Variants in CFAP47 observed in about 807,000 individuals in gnomAD.
CFAP47 encodes the protein cilia- and flagella-associated protein 47.
In CFAP47, 29 loss-of-function variants were observed where a neutral mutation model predicts 148.1. The ratio of observed to expected loss-of-function variants is 0.20; its 90% CI spans 0.15 to 0.27. The LOEUF is 0.27. Ranked by LOEUF, CFAP47 falls within the 10% of genes least tolerant of loss-of-function variation. The pLI, the probability that CFAP47 is intolerant of heterozygous loss-of-function variation, is 1.00. For missense variants in CFAP47, 1,872 were observed against 1,697.5 expected (o/e 1.10, Z -1.81); for synonymous variants, 664 against 577.3 (o/e 1.15, Z -2.15).
intron 46 of CFAP47, among the ~76,000 whole-genome samples, chrX:36,235,462 G>A (rs1288719653): frequency 8.9e-6 from 1 of 112,391 alleles, no homozygotes; most frequent in Non-Finnish European, 1.9e-5. Flanking sequence ...ATTTTTTTAA[G>A]CCTGTGGAAA....
intron 45 of CFAP47, chrX:36,211,420 T>G: frequency 4.2e-6 from 1 of 236,651 alleles, no homozygotes; most frequent in African/African-American, 2.9e-5. Flanking sequence ...TCGGCCTTTT[T>G]TCTGTTCTGT....
At chrX:36,220,284 T>G (rs1453383934) in intron 45 of CFAP47, among the ~76,000 whole-genome samples, 2 of 111,354 alleles carry the variant, frequency 1.8e-5, no homozygotes, top group Admixed American at 9.6e-5. Context: ...CCCTAAGTTA[T>G]CTCATTATGC....
intron 57 of CFAP47, among the ~76,000 whole-genome samples, chrX:36,345,185 C>T (rs1941686838): frequency 1.8e-5 from 2 of 110,928 alleles, no homozygotes; most frequent in East Asian, 2.8e-4. Flanking sequence ...TTATCTATTT[C>T]GTACAACAAT....
chrX:36,161,035 A>G (rs1287562762), intron 39 of CFAP47, among the ~76,000 whole-genome samples: 2 of 109,162 alleles, frequency 1.8e-5, no homozygotes, highest in Non-Finnish European at 3.8e-5. Flanking sequence ...TTTAGTAGAG[A>G]TGGGGTTTCA....
chrX:36,109,215 T>C (rs1938513764), intron 33 of CFAP47, among the ~76,000 whole-genome samples: 1 of 112,048 alleles, frequency 8.9e-6, no homozygotes, highest in South Asian at 3.7e-4. Flanking sequence ...TGTAGGTTGA[T>C]TGCATGTCAT....
Position 36,035,722 on chromosome X carries a change from C to T in CFAP47, c.3679C>T (p.His1227Tyr). 1 of 295,813 alleles carries T rather than the reference C, an allele frequency of 3.4e-6. No homozygotes were observed. The highest frequency in any genetic ancestry group is 6.1e-5 in the Admixed American group (1 of 16,313). 24.4% of individuals were successfully genotyped at this position (295,813 alleles called of 1,213,427 possible). A position where few individuals can be genotyped will look rare whatever the true frequency, so the allele number is the denominator to read the frequency against. Residue 1227 changes from histidine to tyrosine, a missense_variant, in exon 24 of 64, where the codon CAC becomes TAC. Transcript: ENST00000378653. Reference sequence around the variant, plus strand: ...TCTTGTTTTATATAATATTACCAAACACCATGTGACATGGACTTTGGATCT... The same window carrying T: ...TCTTGTTTTATATAATATTACCAAATACCATGTGACATGGACTTTGGATCT... Reference protein sequence around the residue: ...QNLVLYNITKHHVTWTLDLSN... With the variant: ...QNLVLYNITKYHVTWTLDLSN...
intron 57 of CFAP47, among the ~76,000 whole-genome samples, chrX:36,346,389 G>A (rs1941697617): frequency 9.0e-6 from 1 of 111,278 alleles, no homozygotes; most frequent in African/African-American, 3.3e-5. Flanking sequence ...GGTGACTCAT[G>A]CATAGTAAAT....
intron 46 of CFAP47, among the ~76,000 whole-genome samples, chrX:36,229,258 T>G (rs1277239251): frequency 8.9e-6 from 1 of 111,917 alleles, no homozygotes; most frequent in East Asian, 2.8e-4. Context: ...TGTAAAGAAC[T>G]TTGGCTTTTT....
chrX:36,142,530 A>G (rs1311013242), intron 35 of CFAP47, among the ~76,000 whole-genome samples: 3 of 111,612 alleles, frequency 2.7e-5, no homozygotes, highest in African/African-American at 9.8e-5. Context: ...TTAGTTTTAA[A>G]TAAACCTAAC....
intron 6 of CFAP47, among the ~76,000 whole-genome samples, chrX:35,953,061 T>C (rs1936190921): frequency 8.9e-6 from 1 of 112,309 alleles, no homozygotes; most frequent in African/African-American, 3.2e-5. Context: ...TACTCCTATT[T>C]CCCTTCTTCC....
chrX:35,969,572 A>G (rs912344138), intron 10 of CFAP47, among the ~76,000 whole-genome samples: 10 of 111,999 alleles, frequency 8.9e-5, no homozygotes, highest in Non-Finnish European at 1.5e-4. Context: ...AAGGATTTAG[A>G]TATGTTAATA....
At chrX:36,367,957 G>A in intron 62 of CFAP47, 1 of 111,705 alleles carries the variant, frequency 9.0e-6, no homozygotes, top group South Asian at 3.7e-4. Context: ...ATTTCTCGAG[G>A]GCTGAAATGG....
At position 36,004,800 on chromosome X, in the gene CFAP47, G is replaced by A. The variant is rs73468944; in HGVS notation, c.3417+3093G>A. Among the ~76,000 whole-genome samples the A allele has an allele frequency of 3.6e-3, 402 of 110,384 alleles. 1 individual carries two copies. Among genetic ancestry groups the A allele is most frequent in the African/African-American group, 0.012 (374 of 30,418 alleles). On this transcript the variant is annotated intron_variant, in intron 21 of 63. Transcript: ENST00000378653. ...TGGAAACATTCTAAAACTTAATTACGGTGATGATTGCACAATTCTGTAAAT... is the reference window on the plus strand; with the variant it reads ...TGGAAACATTCTAAAACTTAATTACAGTGATGATTGCACAATTCTGTAAAT...
At chrX:36,122,824 G>A (rs1188594923) in intron 33 of CFAP47, among the ~76,000 whole-genome samples, 1 of 111,166 alleles carries the variant, frequency 9.0e-6, no homozygotes, top group Non-Finnish European at 1.9e-5. Context: ...AGTTCATTTG[G>A]TGAAGTCATG....
chrX:36,183,244 G>A (rs2146869973), intron 40 of CFAP47, among the ~76,000 whole-genome samples: 1 of 110,739 alleles, frequency 9.0e-6, no homozygotes. Context: ...ATTTATGCCT[G>A]GGTGGCAGAG....
chrX:36,020,457 A>G (rs1937144961), intron 22 of CFAP47, among the ~76,000 whole-genome samples: 1 of 111,902 alleles, frequency 8.9e-6, no homozygotes, highest in East Asian at 2.8e-4. Flanking sequence ...CTATTATTGC[A>G]TTCAGATCTA....
intron 22 of CFAP47, among the ~76,000 whole-genome samples, chrX:36,030,738 A>T (rs1038078247): frequency 9.9e-5 from 11 of 110,861 alleles, no homozygotes; most frequent in African/African-American, 3.3e-4. Flanking sequence ...CCAGTAGATT[A>T]TAATATCTTC....
chrX:36,036,024 T>A (rs1181000237), intron 24 of CFAP47, among the ~76,000 whole-genome samples, 170 bp downstream of exon 24: 2 of 111,896 alleles, frequency 1.8e-5, no homozygotes, highest in Non-Finnish European at 3.8e-5. Context: ...CATTATTTAA[T>A]TGACAAAGTT....
At chrX:36,189,253 G>A (rs183372910) in intron 41 of CFAP47, among the ~76,000 whole-genome samples, 93 of 110,729 alleles carry the variant, frequency 8.4e-4, no homozygotes, top group Non-Finnish European at 1.4e-3. Flanking sequence ...ACTCTAGCTC[G>A]CGGTCAAATG....
Sources: allele counts gnomAD v4.1 joint callset (sites outside exome capture counted in the v4.1 genomes callset), GRCh38; gene constraint gnomAD v4.1.1; transcripts MANE v1.5; gene names NCBI Gene and HGNC (gene_info 2026-07-23, HGNC 2026-07-21).